Variants in CSMD1 observed in about 807,000 individuals in gnomAD.
CSMD1 encodes CUB and sushi domain-containing protein 1.
In CSMD1, 213 loss-of-function variants were observed where a neutral mutation model predicts 417.5. That is an observed-to-expected ratio of 0.51 (90% confidence interval 0.46 to 0.57). The LOEUF (loss-of-function observed/expected upper bound fraction) is 0.57, where lower values mean the gene tolerates loss of function less well. CSMD1 is among the 20% of genes least tolerant of loss of function. The pLI is 0.00. For missense variants in CSMD1, 6,923 were observed against 4,529.7 expected (o/e 1.53, Z -15.17); for synonymous variants, 2,862 against 1,736.8 (o/e 1.65, Z -16.11).
At chr8:4,146,416 C>A (rs185843139) in intron 3 of CSMD1, among the ~76,000 whole-genome samples, 1 of 150,194 alleles carries the variant, frequency 6.7e-6, no homozygotes, top group Non-Finnish European at 1.5e-5. Flanking sequence ...CAGCAGACTC[C>A]AAAGACGTGT....
intron 1 of CSMD1, among the ~76,000 whole-genome samples, chr8:4,850,009 T>C (rs1233175501): frequency 6.6e-6 from 1 of 152,188 alleles, no homozygotes; most frequent in Admixed American, 6.5e-5. Context: ...ACATGCGGGT[T>C]CTAATTTCTC....
intron 1 of CSMD1, among the ~76,000 whole-genome samples, chr8:4,735,091 G>A (rs1810144412): frequency 6.6e-6 from 1 of 152,208 alleles, no homozygotes; most frequent in African/African-American, 2.4e-5. Flanking sequence ...ATTTGGGAAA[G>A]TTTCCGCAGG....
intron 11 of CSMD1, among the ~76,000 whole-genome samples, chr8:3,472,157 T>A (rs1160615813): frequency 1.3e-5 from 2 of 152,148 alleles, no homozygotes; most frequent in East Asian, 3.9e-4. Flanking sequence ...TCAAGGGTTC[T>A]TGGCTCTTTT....
intron 5 of CSMD1, among the ~76,000 whole-genome samples, chr8:3,770,990 TTCTC>T (rs147124793): frequency 0.024 from 3,491 of 145,480 alleles, 129 homozygotes; most frequent in African/African-American, 0.084. Context: ...TTTGGACAGT[TTCTC>T]TCTCTCTCTC....
At chr8:3,446,029 G>C (rs1162758473) in intron 12 of CSMD1, among the ~76,000 whole-genome samples, 1 of 152,176 alleles carries the variant, frequency 6.6e-6, no homozygotes, top group Non-Finnish European at 1.5e-5. Context: ...CCCGGGCCCG[G>C]ATTGATAATT....
At chr8:3,639,056 G>A (rs1369500125) in intron 7 of CSMD1, among the ~76,000 whole-genome samples, 1 of 152,116 alleles carries the variant, frequency 6.6e-6, no homozygotes, top group Non-Finnish European at 1.5e-5. Flanking sequence ...TTTCCACTTA[G>A]CATTACGTTC....
chr8:3,860,432 A>C (rs957887231), intron 5 of CSMD1, among the ~76,000 whole-genome samples: 3 of 152,194 alleles, frequency 2.0e-5, no homozygotes, highest in Admixed American at 2.0e-4. Flanking sequence ...TAAAACAATA[A>C]AACTTTTTTT....
chr8:4,600,875 T>A (rs929718370), intron 2 of CSMD1, among the ~76,000 whole-genome samples: 1 of 152,152 alleles, frequency 6.6e-6, no homozygotes, highest in Non-Finnish European at 1.5e-5. Context: ...TATCGCCACA[T>A]TTATACAGAC....
chr8:4,919,237 T>G (rs780535688), intron 1 of CSMD1, among the ~76,000 whole-genome samples: 5 of 152,210 alleles, frequency 3.3e-5, no homozygotes, highest in African/African-American at 4.8e-5. Context: ...TAGCTACAAT[T>G]CAGAAATAAT....
chr8:4,162,051 A>T (rs1385878063), intron 3 of CSMD1, among the ~76,000 whole-genome samples: 1 of 152,214 alleles, frequency 6.6e-6, no homozygotes, highest in Non-Finnish European at 1.5e-5. Context: ...AATTTCCCTT[A>T]ATGTCAACCT....
At position 3,219,868 on chromosome 8, in the gene CSMD1, T is replaced by C. The variant is rs75235782; in HGVS notation, c.4485-426A>G. ...GAAAATACTGGAATTTTGAAAATATTGCAATTTCAAAATATTGGAATAGTC... is the reference window on the plus strand; with the variant it reads ...GAAAATACTGGAATTTTGAAAATATCGCAATTTCAAAATATTGGAATAGTC... On this transcript the variant is annotated intron_variant, in intron 28 of 69. Coordinates refer to ENST00000635120, the MANE Select transcript of CSMD1 (RefSeq NM_033225.6). Among the ~76,000 whole-genome samples the C allele has an allele frequency of 4.8e-3, 724 of 152,298 alleles. 2 individuals are homozygous for C. Among genetic ancestry groups the C allele is most frequent in the Non-Finnish European group, 7.7e-3 (525 of 68,028 alleles).
chr8:3,063,010 C>T (rs977590569), intron 49 of CSMD1, among the ~76,000 whole-genome samples: 1 of 152,064 alleles, frequency 6.6e-6, no homozygotes, highest in African/African-American at 2.4e-5. Flanking sequence ...AGTGACACTG[C>T]TGTGTGTCAT....
intron 5 of CSMD1, among the ~76,000 whole-genome samples, chr8:3,807,015 G>C (rs1232079515): frequency 6.6e-6 from 1 of 152,130 alleles, no homozygotes; most frequent in Non-Finnish European, 1.5e-5. Flanking sequence ...TAGAGGGCTA[G>C]AAATATTGTA....
intron 2 of CSMD1, among the ~76,000 whole-genome samples, chr8:4,458,428 T>C (rs561089848): frequency 7.2e-5 from 11 of 152,324 alleles, no homozygotes; most frequent in East Asian, 5.8e-4. Flanking sequence ...TTTTTATCAG[T>C]TGGTTTCTAA....
rs1815460489 is a variant in CSMD1 at position 3,098,141 on chromosome 8, T to C, written c.6950-1104A>G. 3.3e-5 allele frequency among the ~76,000 whole-genome samples: 5 copies of C among 152,350 alleles called. No homozygotes were observed. In the South Asian group the frequency reaches 6.2e-4, roughly 19 times the overall value. On this transcript the variant is annotated intron_variant, in intron 46 of 69. Transcript: ENST00000635120. ...ACTATTAAGGGAAATTTTTTTCTAT[T>C]ACTGGTAATGGTTCAAAAATAAAAA...
chr8:4,108,112 G>T (rs539265380), intron 3 of CSMD1, among the ~76,000 whole-genome samples: 1 of 152,002 alleles, frequency 6.6e-6, no homozygotes, highest in South Asian at 2.1e-4. Flanking sequence ...AAAGACGGAG[G>T]AGGAGGAGGA....
At chr8:3,533,059 A>G (rs1798046234) in intron 10 of CSMD1, among the ~76,000 whole-genome samples, 1 of 152,214 alleles carries the variant, frequency 6.6e-6, no homozygotes. Context: ...ACTTTGAGAT[A>G]AACAGCTCGT....
chr8:4,313,125 C>T (rs1325583526), intron 3 of CSMD1, among the ~76,000 whole-genome samples: 1 of 152,068 alleles, frequency 6.6e-6, no homozygotes, highest in Non-Finnish European at 1.5e-5. Context: ...CTTATTGGTC[C>T]CTTAGACAGT....
intron 3 of CSMD1, among the ~76,000 whole-genome samples, chr8:4,177,915 A>C (rs924450014): frequency 1.3e-5 from 2 of 151,902 alleles, no homozygotes; most frequent in Non-Finnish European, 2.9e-5. Flanking sequence ...CAATAACAGG[A>C]TCTGAAATTG....
Sources: allele counts gnomAD v4.1 joint callset (sites outside exome capture counted in the v4.1 genomes callset), GRCh38; gene constraint gnomAD v4.1.1; transcripts MANE v1.5; gene names NCBI Gene and HGNC (gene_info 2026-07-23, HGNC 2026-07-21).